KIAA1549: variants seen among roughly 807,000 people sequenced by gnomAD.
KIAA1549 encodes the protein KIAA1549.
KIAA1549 carries 70 observed loss-of-function variants against 156.4 expected under a neutral mutation model. That is an observed-to-expected ratio of 0.45 (90% CI 0.37 to 0.55). The LOEUF is 0.55. Ranked by LOEUF, KIAA1549 falls within the 20% of genes least tolerant of loss-of-function variation. The pLI is 0.00. For synonymous variants in KIAA1549, 1,103 were observed against 1,066.4 expected (o/e 1.03, Z -0.67); for missense variants, 2,428 against 2,540.9 (o/e 0.96, Z 0.96).
chr7:138,870,500 C>T (rs1159504302), intron 13 of KIAA1549, among the ~76,000 whole-genome samples: 1 of 152,182 alleles, frequency 6.6e-6, no homozygotes, highest in African/African-American at 2.4e-5. Flanking sequence ...GTCACCAAAA[C>T]AAGTTACCTG....
At chr7:138,950,407 C>A (rs774236809) in intron 1 of KIAA1549, among the ~76,000 whole-genome samples, 2 of 147,788 alleles carry the variant, frequency 1.4e-5, no homozygotes, top group Admixed American at 6.6e-5. Flanking sequence ...TCCCTTCCAG[C>A]CTTCCTTGTC....
intron 1 of KIAA1549, among the ~76,000 whole-genome samples, chr7:138,967,575 C>T (rs1039815121): frequency 2.6e-5 from 4 of 152,210 alleles, no homozygotes; most frequent in African/African-American, 9.6e-5. Flanking sequence ...AGGAAAACCA[C>T]CTAATTTTTC....
At chr7:138,943,842 C>A (rs1280276756) in intron 1 of KIAA1549, among the ~76,000 whole-genome samples, 6 of 150,248 alleles carry the variant, frequency 4.0e-5, no homozygotes, top group African/African-American at 1.2e-4. Context: ...GAGTGAGACT[C>A]CATCTCAGAA....
At chr7:138,944,523 A>G (rs1401549753) in intron 1 of KIAA1549, among the ~76,000 whole-genome samples, 1 of 152,140 alleles carries the variant, frequency 6.6e-6, no homozygotes, top group Non-Finnish European at 1.5e-5. Flanking sequence ...ATTATCACAC[A>G]ACCCACTAAT....
At position 138,835,365 on chromosome 7, in the gene KIAA1549, C is replaced by A. The variant is rs1809678052; in HGVS notation, c.*2541G>T. 4.7e-6 allele frequency: 1 copy of A among 213,728 alleles called. No homozygotes were observed. The highest frequency in any genetic ancestry group is 1.9e-4 in the South Asian group (1 of 5,346). 13.2% of individuals were successfully genotyped at this position (213,728 alleles called of 1,614,324 possible). ...TAACCACCGGCTGTTTATTATACAT[C>A]ATCTTTGGTCTTGACATCTGTTTAA... is the stretch of plus-strand genomic sequence containing the variant. On this transcript the variant is annotated 3_prime_UTR_variant, in exon 20 of 20. Coordinates refer to ENST00000422774, the MANE Select transcript of KIAA1549 (RefSeq NM_001164665.2).
At chr7:138,881,215 A>G (rs1811231251) in intron 11 of KIAA1549, among the ~76,000 whole-genome samples, 173 bp downstream of exon 11, 1 of 152,124 alleles carries the variant, frequency 6.6e-6, no homozygotes, top group Admixed American at 6.5e-5. Flanking sequence ...AGCCCGTGAG[A>G]GTGGCTCGGA....
intron 1 of KIAA1549, among the ~76,000 whole-genome samples, chr7:138,924,195 CTTTTTTTTTTT>C: frequency 7.5e-6 from 1 of 132,794 alleles, no homozygotes; most frequent in Non-Finnish European, 1.6e-5. Flanking sequence ...TTTTTTTTTT[CTTTTTTTTTTT>C]TGGATGTTCT....
chr7:138,971,454 TCCTGCCCTCTCTGCCTC>T (rs1445765323), intron 1 of KIAA1549, among the ~76,000 whole-genome samples: 2 of 152,074 alleles, frequency 1.3e-5, no homozygotes, highest in African/African-American at 4.8e-5. Context: ...GAGCTTTCAC[TCCTGCCCTCTCTGCCTC>T]CCTTTCCAAC....
intron 9 of KIAA1549, among the ~76,000 whole-genome samples, chr7:138,898,595 T>C (rs1448281090): frequency 6.6e-6 from 1 of 152,122 alleles, no homozygotes; most frequent in East Asian, 1.9e-4. Flanking sequence ...GTTCAAAATA[T>C]GACACAGAAG....
chr7:138,855,542 C>A (rs1468191036), intron 16 of KIAA1549, among the ~76,000 whole-genome samples: 1 of 152,200 alleles, frequency 6.6e-6, no homozygotes, highest in African/African-American at 2.4e-5. Flanking sequence ...ATGACTCCAG[C>A]TTTCCATACC....
intron 1 of KIAA1549, among the ~76,000 whole-genome samples, chr7:138,979,063 T>C (rs990174049): frequency 6.6e-6 from 1 of 152,224 alleles, no homozygotes; most frequent in Non-Finnish European, 1.5e-5. Context: ...TGTTTCCAGC[T>C]GGATCCTGGA....
chr7:138,890,258 G>A (rs1050988414), intron 10 of KIAA1549, among the ~76,000 whole-genome samples: 1 of 152,218 alleles, frequency 6.6e-6, no homozygotes, highest in Non-Finnish European at 1.5e-5. Flanking sequence ...TACAGCCCAG[G>A]TGGCACAAAA....
rs772963038 is a variant in KIAA1549 at position 138,917,961 on chromosome 7, A to G, written c.1665T>C (p.Thr555=). 2 of 1,592,062 alleles carry G rather than the reference A, an allele frequency of 1.3e-6. No homozygotes were observed. Among genetic ancestry groups the G allele is most frequent in the African/African-American group, 1.3e-5 (1 of 74,512 alleles). ...ETQVTPSSVT[T]AFFSVITSIL... is the part of the protein sequence containing the mutation. ...TGCTGGTGATGACCGAGAAAAATGCAGTGGTCACGCTGGATGGCGTCACTT... is the reference window on the plus strand; with the variant it reads ...TGCTGGTGATGACCGAGAAAAATGCGGTGGTCACGCTGGATGGCGTCACTT... The change falls in exon 2 of 20, where the codon ACT becomes ACC. Residue 555 remains threonine (T), a synonymous_variant. Transcript: ENST00000422774.
At chr7:138,900,163 C>T (rs140457596) in intron 8 of KIAA1549, among the ~76,000 whole-genome samples, 1 of 152,174 alleles carries the variant, frequency 6.6e-6, no homozygotes, top group African/African-American at 2.4e-5. Context: ...GCTGCTGGAC[C>T]CCTCCTTCAC....
At chr7:138,975,107 CGAGGCAGTG>C (rs1003446711) in intron 1 of KIAA1549, among the ~76,000 whole-genome samples, 1 of 152,064 alleles carries the variant, frequency 6.6e-6, no homozygotes, top group African/African-American at 2.4e-5. Context: ...TAACAAGCTA[CGAGGCAGTG>C]GAGGCAGTGA....
Position 138,981,163 on chromosome 7 carries a change from C to CAGCGGGCGG in KIAA1549, c.98_106dup (p.Ser33_Arg35dup), listed in dbSNP as rs1299616225. On this transcript the variant is annotated inframe_insertion, in exon 1 of 20. Coordinates refer to ENST00000422774, the MANE Select transcript of KIAA1549 (RefSeq NM_001164665.2). This position sits in a 1 kb window ranked among gnomAD's most constrained non-coding sequence, Gnocchi z 4.5. The stretch of plus-strand genomic sequence containing the variant: ...CAGCCCCGGGCGGCGGCGGCGGGCG[C>CAGCGGGCGG]AGCGGGCGGAAGGCCGTCGGCCGCT... The CAGCGGGCGG allele has an allele frequency of 8.5e-7, 1 of 1,180,512 alleles. No individual in the cohort carries two copies. The highest frequency in any genetic ancestry group is 3.6e-5 in the East Asian group (1 of 27,844). The allele number at this position is 1,180,512 out of a possible 1,614,324, so 73.1% of individuals were successfully genotyped here.
rs35974085 is a variant in KIAA1549, at chr7:138,856,198, AT to A, written c.5248-3930del. On this transcript the variant is annotated intron_variant, in intron 16 of 19. Transcript: ENST00000422774. ...AGGTGCCCGCCACCACGCCCAGCGA[AT>A]TTTTTTTTTTTTGTATCTTTAGTAG... 4.6e-3 allele frequency among the ~76,000 whole-genome samples: 665 copies of A among 143,878 alleles called. 3 individuals carry two copies. Among genetic ancestry groups the A allele is most frequent in the Middle Eastern group, 0.021 (6 of 280 alleles). 94.4% of individuals were successfully genotyped at this position (143,878 alleles called of 152,430 possible).
intron 17 of KIAA1549, among the ~76,000 whole-genome samples, 172 bp downstream of exon 17, chr7:138,852,051 G>A (rs898161697): frequency 6.6e-6 from 1 of 152,176 alleles, no homozygotes; most frequent in Non-Finnish European, 1.5e-5. Context: ...TGTCATTACT[G>A]GAACAGAACT....
chr7:138,878,086 T>C (rs1056551228), intron 12 of KIAA1549, among the ~76,000 whole-genome samples: 14 of 152,220 alleles, frequency 9.2e-5, no homozygotes, highest in Non-Finnish European at 1.9e-4. Flanking sequence ...TAAATAATTT[T>C]TAAGATTTTG....
Sources: gnomAD v4.1 joint callset for allele counts (sites outside exome capture counted in the v4.1 genomes callset) on GRCh38, gnomAD v4.1.1 for gene constraint, Gnocchi (gnomAD v3.1) non-coding constraint, MANE v1.5 for transcripts, NCBI Gene and HGNC (gene_info 2026-07-23, HGNC 2026-07-21) for gene names.